Variants in SOCS4 observed in about 807,000 individuals in gnomAD.
SOCS4 encodes the protein SH2 domain containing SOCS box protein.
Under a neutral mutation model 34.1 loss-of-function variants are expected in SOCS4, and 20 were observed. The ratio of observed to expected loss-of-function variants is 0.59; its 90% confidence interval spans 0.41 to 0.85. The LOEUF is 0.85. Among genes scored for constraint, SOCS4 ranks in the 40% least tolerant of loss-of-function variants. The pLI is 0.00. For synonymous variants in SOCS4, 180 were observed against 186.4 expected (o/e 0.97, Z 0.28); for missense variants, 479 against 532.4 (o/e 0.90, Z 0.99).
rs201018953 is a variant in SOCS4 at position 55,043,292 on chromosome 14, A to G, written c.251A>G (p.His84Arg). The change falls in exon 3 of 3, where the codon CAT (histidine) becomes CGT (arginine). Residue 84 changes from histidine (H) to arginine (R), a missense_variant. By Grantham distance (29) the His-to-Arg change is conservative. Transcript: ENST00000555846. Reference sequence around the variant, plus strand: ...TTGGACTTAGATCATTCCTGTGGGCATCGATTTTTAGGCCGATCTCTTAAA... The same window carrying G: ...TTGGACTTAGATCATTCCTGTGGGCGTCGATTTTTAGGCCGATCTCTTAAA... ...IELDLDHSCG[H>R]RFLGRSLKQK... 8.7e-6 allele frequency: 14 copies of G among 1,614,260 alleles called. No homozygotes were observed. The highest frequency in any genetic ancestry group is 1.2e-5 in the Non-Finnish European group (14 of 1,180,038).
chr14:55,041,590 T>G, intron 2 of SOCS4, among the ~76,000 whole-genome samples: 1 of 151,374 alleles, frequency 6.6e-6, no homozygotes, highest in African/African-American at 2.4e-5. Context: ...GCAGTTCTCC[T>G]CAGCCTCCCT....
At chr14:55,028,761 T>G (rs1432740213) in intron 1 of SOCS4, among the ~76,000 whole-genome samples, 1 of 152,220 alleles carries the variant, frequency 6.6e-6, no homozygotes, top group African/African-American at 2.4e-5. Flanking sequence ...AGATTTTGCA[T>G]GTATGGTAAA....
At chr14:55,034,495 A>G (rs1594610254) in intron 2 of SOCS4, among the ~76,000 whole-genome samples, 1 of 152,316 alleles carries the variant, frequency 6.6e-6, no homozygotes, top group Admixed American at 6.5e-5. Flanking sequence ...CGCAAAATTT[A>G]TATAAAGCTC....
intron 1 of SOCS4, among the ~76,000 whole-genome samples, chr14:55,027,939 T>C (rs1390775687): frequency 6.6e-6 from 1 of 152,250 alleles, no homozygotes; most frequent in Non-Finnish European, 1.5e-5. Context: ...CCATGCAATA[T>C]CTGCTAAAGT....
intron 1 of SOCS4, among the ~76,000 whole-genome samples, chr14:55,030,899 T>C (rs1379678162): frequency 6.6e-6 from 1 of 152,170 alleles, no homozygotes. Flanking sequence ...TTTACAGATC[T>C]TTAAAACTTT....
chr14:55,047,540 A>G lies in SOCS4; in HGVS notation c.*3176A>G, dbSNP rs1168773158. On this transcript the variant is annotated 3_prime_UTR_variant, in exon 3 of 3. Coordinates refer to ENST00000555846, the MANE Select transcript of SOCS4 (RefSeq NM_199421.2). ...GAAGACCTAATAGGAAGAAGATTAA[A>G]GGAAGCTTTTAGTCAGCCTGTGGCT... 1 of 167,124 alleles carries G rather than the reference A, an allele frequency of 6.0e-6. No individual in the cohort carries two copies. The highest frequency in any genetic ancestry group is 1.5e-5 in the Non-Finnish European group (1 of 68,124). The allele number at this position is 167,124 out of a possible 1,614,324, so 10.4% of individuals were successfully genotyped here.
At chr14:55,034,799 G>A (rs559823070) in intron 2 of SOCS4, among the ~76,000 whole-genome samples, 27 of 148,604 alleles carry the variant, frequency 1.8e-4, no homozygotes, top group Admixed American at 6.0e-4. Flanking sequence ...CAGCCTGGGC[G>A]ACAGAGTGAG....
At position 55,030,675 on chromosome 14, in the gene SOCS4, G is replaced by A. The variant is rs149615334; in HGVS notation, c.-219-1188G>A. ...TGTTGTTTTCATACCTTTTACTCCT[G>A]GCAGTAAAAACATGAGGTAGCTGGC... On this transcript the variant is annotated intron_variant, in intron 1 of 2. Transcript: ENST00000555846. 5.4e-4 allele frequency among the ~76,000 whole-genome samples: 82 copies of A among 152,136 alleles called. 1 individual carries two copies. The highest frequency in any genetic ancestry group is 1.9e-3 in the African/African-American group (77 of 41,526).
chr14:55,039,956 G>A (rs2042603547), intron 2 of SOCS4, among the ~76,000 whole-genome samples: 1 of 152,200 alleles, frequency 6.6e-6, no homozygotes, highest in South Asian at 2.1e-4. Flanking sequence ...GGAAGTGAAG[G>A]AAGAAATGCC....
chr14:55,034,983 C>T (rs1162557506), intron 2 of SOCS4, among the ~76,000 whole-genome samples: 2 of 151,928 alleles, frequency 1.3e-5, no homozygotes, highest in Admixed American at 6.6e-5. Flanking sequence ...GCCTCAGCCT[C>T]CCAAGTAGCT....
In SOCS4 at chr14:55,030,205, C is replaced by T. The variant is rs764356172; in HGVS notation, c.-219-1658C>T. 2.4e-4 allele frequency among the ~76,000 whole-genome samples: 37 copies of T among 152,112 alleles called. 1 individual carries two copies. The highest frequency in any genetic ancestry group is 2.1e-3 in the South Asian group (10 of 4,824). On this transcript the variant is annotated intron_variant, in intron 1 of 2. Coordinates refer to ENST00000555846, the MANE Select transcript of SOCS4 (RefSeq NM_199421.2). ...TAGAGTCACCTTTTACTAATTTGTA[C>T]GTAAAACTTGTTACCCAACCTTAAA...
chr14:55,044,441 G>T lies in SOCS4; in HGVS notation c.*77G>T. 1 of 1,138,800 alleles carries T rather than the reference G, an allele frequency of 8.8e-7. No individual in the cohort carries two copies. The highest frequency in any genetic ancestry group is 3.2e-5 in the East Asian group (1 of 31,680). The allele number at this position is 1,138,800 out of a possible 1,614,324, so 70.5% of individuals were successfully genotyped here. On this transcript the variant is annotated 3_prime_UTR_variant, in exon 3 of 3. Coordinates refer to ENST00000555846, the MANE Select transcript of SOCS4 (RefSeq NM_199421.2). ...TTATTTTTCTTTTTATGCCACTTTG[G>T]ATTTTTCTACAAAGGCAGTGGTGTC...
intron 2 of SOCS4, among the ~76,000 whole-genome samples, chr14:55,036,814 T>C (rs1386001325): frequency 6.6e-6 from 1 of 152,164 alleles, no homozygotes; most frequent in Non-Finnish European, 1.5e-5. Context: ...CGAACTTTTC[T>C]ATTGAATATT....
chr14:55,028,572 A>G (rs1809300731), intron 1 of SOCS4, among the ~76,000 whole-genome samples: 1 of 152,182 alleles, frequency 6.6e-6, no homozygotes, highest in Non-Finnish European at 1.5e-5. Context: ...ATTTCTGGTT[A>G]GTACTATTCA....
chr14:55,027,920 A>G (rs571717329), intron 1 of SOCS4, among the ~76,000 whole-genome samples: 1 of 152,264 alleles, frequency 6.6e-6, no homozygotes, highest in Non-Finnish European at 1.5e-5. Flanking sequence ...TTGAGCACTT[A>G]CATTTGATCC....
Position 55,046,564 on chromosome 14 carries a change from A to G in SOCS4, c.*2200A>G, listed in dbSNP as rs1240644726. 1 of 166,952 alleles carries G rather than the reference A, an allele frequency of 6.0e-6. No individual in the cohort carries two copies. The highest frequency in any genetic ancestry group is 1.9e-4 in the East Asian group (1 of 5,194). 10.3% of individuals were successfully genotyped at this position (166,952 alleles called of 1,614,324 possible). Reference sequence around the variant, plus strand: ...AGTCAAGATCTAAGTACCTTTTCATATAATTCAAACTGATTGCTTGTGATA... The same window carrying G: ...AGTCAAGATCTAAGTACCTTTTCATGTAATTCAAACTGATTGCTTGTGATA... On this transcript the variant is annotated 3_prime_UTR_variant, in exon 3 of 3. Transcript: ENST00000555846.
In SOCS4 at chr14:55,047,683, A is replaced by G. The variant is rs1373122235; in HGVS notation, c.*3319A>G. On this transcript the variant is annotated 3_prime_UTR_variant, in exon 3 of 3. Transcript: ENST00000555846. ...TGACTTCTTATTATAAATAATATAA[A>G]GAATGTCTCAGTAATTAGAAATCCC... is the stretch of plus-strand genomic sequence containing the variant. 2 of 167,146 alleles carry G rather than the reference A, an allele frequency of 1.2e-5. No individual in the cohort carries two copies. The highest frequency in any genetic ancestry group is 2.9e-5 in the Non-Finnish European group (2 of 68,130). 10.4% of individuals were successfully genotyped at this position (167,146 alleles called of 1,614,324 possible). A position where few individuals can be genotyped will look rare whatever the true frequency, so the allele number is the denominator to read the frequency against.
In SOCS4 at chr14:55,043,587, A is replaced by T. The variant is rs114537990; in HGVS notation, c.546A>T (p.Glu182Asp). 1 of 1,614,204 alleles carries T rather than the reference A, an allele frequency of 6.2e-7. No homozygotes were observed. Among genetic ancestry groups the T allele is most frequent in the African/African-American group, 1.3e-5 (1 of 75,056 alleles). The change falls in exon 3 of 3, where the codon GAA becomes GAT. Residue 182 changes from glutamate to aspartate, a missense_variant. Glu to Asp is a conservative substitution (Grantham distance 45). Coordinates refer to ENST00000555846, the MANE Select transcript of SOCS4 (RefSeq NM_199421.2). ...RDGQLKRRNM[E>D]ENINCFSHTN... is the part of the protein sequence containing the mutation. ...GTCAGCTAAAACGAAGAAATATGGAAGAAAATATAAACTGTTTCTCACATA... is the reference window on the plus strand; with the variant it reads ...GTCAGCTAAAACGAAGAAATATGGATGAAAATATAAACTGTTTCTCACATA...
rs2042701937 is a variant in SOCS4 at position 55,048,969 on chromosome 14, G to T, written c.*4605G>T. The T allele has an allele frequency of 6.0e-6, 1 of 166,926 alleles. No individual in the cohort carries two copies. Among genetic ancestry groups the T allele is most frequent in the Non-Finnish European group, 1.5e-5 (1 of 68,100 alleles). 10.3% of individuals were successfully genotyped at this position (166,926 alleles called of 1,614,324 possible). ...CATTCACTTCTCTTAGACTGTAAAA[G>T]ACTTTCTTGACTTGTTTTAACAGTA... On this transcript the variant is annotated 3_prime_UTR_variant, in exon 3 of 3. Coordinates refer to ENST00000555846, the MANE Select transcript of SOCS4 (RefSeq NM_199421.2).
Sources: gnomAD v4.1 joint callset for allele counts (sites outside exome capture counted in the v4.1 genomes callset) on GRCh38, gnomAD v4.1.1 for gene constraint, MANE v1.5 for transcripts, NCBI Gene and HGNC (gene_info 2026-07-23, HGNC 2026-07-21) for gene names.